The following ACYP2 variants were observed in gnomAD, a reference collection of about 807,000 sequenced individuals.
The protein encoded by ACYP2 is acylphosphatase-2.
In ACYP2, 12 loss-of-function variants were observed where a neutral mutation model predicts 11.2. That is an observed-to-expected ratio of 1.08 (90% CI 0.69 to 1.74). The LOEUF (loss-of-function observed/expected upper bound fraction) is 1.74, where lower values mean the gene tolerates loss of function less well. Among genes scored for constraint, ACYP2 ranks in the 40% most tolerant of loss-of-function variants. The pLI, the probability that ACYP2 is intolerant of heterozygous loss-of-function variation, is 0.00. For missense variants in ACYP2, 134 were observed against 101.9 expected (o/e 1.31, Z -1.35); for synonymous variants, 43 against 32.2 (o/e 1.33, Z -1.13).
rs139543765 is a variant in ACYP2 at position 54,148,844 on chromosome 2, A to G, written c.404+10096A>G. ...TGAATTATCAAGAAATTGAATCACA[A>G]TAAGAGATGTTGCAAAAATAGTTGC... is the stretch of plus-strand genomic sequence containing the variant. On this transcript the variant is annotated intron_variant, in intron 6 of 6. Coordinates refer to ENST00000607452, the MANE Select transcript of ACYP2 (RefSeq NM_001320586.2). Among the ~76,000 whole-genome samples the G allele has an allele frequency of 2.0e-4, 30 of 152,372 alleles. No homozygotes were observed. In the East Asian group the frequency reaches 5.0e-3, roughly 25 times the overall value.
chr2:54,139,311 T>A lies in ACYP2; in HGVS notation c.404+563T>A, dbSNP rs567840211. On this transcript the variant is annotated intron_variant, in intron 6 of 6. Coordinates refer to ENST00000607452, the MANE Select transcript of ACYP2 (RefSeq NM_001320586.2). ...GGCAAAAAGATTGCCATCTCCTTTT[T>A]ACAGTTAAGTGCTTTATTTATCTAA... 3.9e-5 allele frequency among the ~76,000 whole-genome samples: 6 copies of A among 152,350 alleles called. No homozygotes were observed. In the East Asian group the frequency reaches 1.2e-3, roughly 29 times the overall value.
intron 2 of ACYP2, among the ~76,000 whole-genome samples, chr2:54,006,814 A>G (rs946908575): frequency 6.6e-6 from 1 of 151,996 alleles, no homozygotes; most frequent in Admixed American, 6.6e-5. Flanking sequence ...ACTCCTAAGC[A>G]GTAAGGGTTA....
chr2:54,238,637 A>G (rs1317912192), intron 6 of ACYP2, among the ~76,000 whole-genome samples: 3 of 151,904 alleles, frequency 2.0e-5, no homozygotes, highest in African/African-American at 7.3e-5. Context: ...TAAATTAACT[A>G]TCTCATTTAG....
chr2:53,998,194 T>G (rs1672660103), intron 2 of ACYP2, among the ~76,000 whole-genome samples: 1 of 152,122 alleles, frequency 6.6e-6, no homozygotes, highest in Non-Finnish European at 1.5e-5. Context: ...TCACTGGTAA[T>G]CTTAAAGAAA....
At chr2:54,133,226 A>C (rs758983001) in intron 4 of ACYP2, among the ~76,000 whole-genome samples, 17 of 152,198 alleles carry the variant, frequency 1.1e-4, no homozygotes, top group Non-Finnish European at 2.1e-4. Context: ...AAGTGGAGTT[A>C]CACAGTATGT....
At chr2:53,984,090 C>A (rs1363298870) in intron 2 of ACYP2, among the ~76,000 whole-genome samples, 1 of 152,068 alleles carries the variant, frequency 6.6e-6, no homozygotes, top group Non-Finnish European at 1.5e-5. Context: ...CCATCATCAT[C>A]ATCATAACAA....
chr2:54,303,806 C>A (rs1221585469), intron 6 of ACYP2, among the ~76,000 whole-genome samples: 1 of 152,168 alleles, frequency 6.6e-6, no homozygotes, highest in African/African-American at 2.4e-5. Context: ...GATGTTTCTA[C>A]AACAGCAACT....
chr2:53,989,558 G>T (rs531863606), intron 2 of ACYP2, among the ~76,000 whole-genome samples: 77 of 152,070 alleles, frequency 5.1e-4, no homozygotes, highest in African/African-American at 1.8e-3. Flanking sequence ...TGCTAGATTC[G>T]GGACATCTCC....
intron 2 of ACYP2, among the ~76,000 whole-genome samples, chr2:53,985,489 CG>C: frequency 6.6e-6 from 1 of 152,042 alleles, no homozygotes; most frequent in Non-Finnish European, 1.5e-5. Flanking sequence ...AATGTGTGTA[CG>C]TATATACATA....
chr2:54,175,945 A>G (rs911046864), intron 6 of ACYP2, among the ~76,000 whole-genome samples: 3 of 151,944 alleles, frequency 2.0e-5, no homozygotes, highest in African/African-American at 7.3e-5. Context: ...TGGGGTTAGC[A>G]CCCTTATAAT....
chr2:54,151,944 T>G (rs57536238), intron 6 of ACYP2, among the ~76,000 whole-genome samples: 10,256 of 152,064 alleles, frequency 0.067, 531 homozygotes, highest in East Asian at 0.3. Flanking sequence ...GCAGAAAAAT[T>G]GAGTGGAAAC....
intron 4 of ACYP2, among the ~76,000 whole-genome samples, chr2:54,059,253 T>C (rs1009942751): frequency 2.0e-5 from 3 of 152,098 alleles, no homozygotes; most frequent in Admixed American, 6.6e-5. Context: ...AATTTTGCTC[T>C]TGTTGCCCGG....
intron 2 of ACYP2, among the ~76,000 whole-genome samples, chr2:53,986,102 G>A (rs1457426702): frequency 6.6e-6 from 1 of 151,822 alleles, no homozygotes; most frequent in Non-Finnish European, 1.5e-5. Flanking sequence ...ACTCCAGTCT[G>A]AGCAACAGAG....
intron 4 of ACYP2, among the ~76,000 whole-genome samples, chr2:54,115,019 G>C (rs1217462851): frequency 2.0e-5 from 3 of 152,088 alleles, no homozygotes; most frequent in Non-Finnish European, 4.4e-5. Context: ...AGTGGGGTGG[G>C]GGACCTGGGA....
chr2:54,019,084 G>A (rs978077382), intron 2 of ACYP2, among the ~76,000 whole-genome samples: 4 of 132,200 alleles, frequency 3.0e-5, no homozygotes, highest in Non-Finnish European at 4.9e-5. Context: ...TTTTTTTTTT[G>A]GCAACAAGGC....
chr2:54,221,736 G>A (rs1465732152), intron 6 of ACYP2, among the ~76,000 whole-genome samples: 2 of 151,702 alleles, frequency 1.3e-5, no homozygotes, highest in Non-Finnish European at 2.9e-5. Context: ...TGGCCAGGCT[G>A]GTCTCAAACT....
At chr2:54,244,728 TTTTA>T (rs888447341) in intron 6 of ACYP2, among the ~76,000 whole-genome samples, 4 of 150,916 alleles carry the variant, frequency 2.7e-5, no homozygotes, top group African/African-American at 9.7e-5. Flanking sequence ...GAAATCCTTG[TTTTA>T]TTTTTTTCTG....
At chr2:54,247,553 G>A (rs977646864) in intron 6 of ACYP2, among the ~76,000 whole-genome samples, 6 of 152,160 alleles carry the variant, frequency 3.9e-5, no homozygotes, top group African/African-American at 1.4e-4. Context: ...GTGGTATTCA[G>A]ATTTCAAAAG....
intron 6 of ACYP2, among the ~76,000 whole-genome samples, chr2:54,279,343 T>C (rs1321372958): frequency 6.6e-6 from 1 of 152,160 alleles, no homozygotes; most frequent in South Asian, 2.1e-4. Context: ...GTTGAGTAAA[T>C]GCAACAAGGC....
Sources: allele counts gnomAD v4.1 joint callset (sites outside exome capture counted in the v4.1 genomes callset), GRCh38; gene constraint gnomAD v4.1.1; transcripts MANE v1.5; gene names NCBI Gene and HGNC (gene_info 2026-07-23, HGNC 2026-07-21).